Variants in ARL17B observed in about 807,000 individuals in gnomAD.
ARL17B encodes the protein ADP-ribosylation factor-like protein 17.
chr17:46,278,557 C>T (rs574518994), intron 4 of ARL17B, among the ~76,000 whole-genome samples: 14 of 152,050 alleles, frequency 9.2e-5, no homozygotes, highest in African/African-American at 3.4e-4. Flanking sequence ...GCGCTCACCA[C>T]TGCGACCGGC....
intron 3 of ARL17B, among the ~76,000 whole-genome samples, chr17:46,342,632 A>ATTTTT (rs748174381): frequency 1.8e-5 from 1 of 56,274 alleles, no homozygotes; most frequent in Non-Finnish European, 2.8e-5. Context: ...CTTAAGGACA[A>ATTTTT]TTTTTTTTTT....
downstream of ARL17B, among the ~76,000 whole-genome samples, chr17:46,332,877 A>T (rs273535): frequency 0.56 from 83,224 of 149,178 alleles, 20,555 homozygotes; most frequent in South Asian, 0.71. Flanking sequence ...ATTGAAACCA[A>T]GTGAATCCCA....
chr17:46,292,025 A>G (rs1298253351), intron 4 of ARL17B, among the ~76,000 whole-genome samples: 10 of 138,130 alleles, frequency 7.2e-5, no homozygotes, highest in Non-Finnish European at 3.2e-5. Context: ...ATTCACTCCA[A>G]ATGAAATTAT....
intron 4 of ARL17B, among the ~76,000 whole-genome samples, chr17:46,284,711 A>T (rs2049858521): frequency 6.6e-6 from 1 of 152,248 alleles, no homozygotes; most frequent in East Asian, 1.9e-4. Flanking sequence ...CAAAGTGTGG[A>T]ATCATTACCA....
chr17:46,285,966 A>T (rs1205793355), intron 4 of ARL17B, among the ~76,000 whole-genome samples: 1 of 152,256 alleles, frequency 6.6e-6, no homozygotes, highest in African/African-American at 2.4e-5. Context: ...GAGCACTGTC[A>T]TGACATCCTC....
rs372965268 is a variant in ARL17B, at chr17:46,288,884, T to G, written c.*21+10642A>C. On this transcript the variant is annotated intron_variant, in intron 4 of 4. Transcript: ENST00000570618. The stretch of plus-strand genomic sequence containing the variant: ...AAGCTCAGCTAATTTTTTGTATTTT[T>G]GTTAGAGACAGGGTTTCACCATGTT... Among the ~76,000 whole-genome samples the G allele has an allele frequency of 1.4e-3, 218 of 152,156 alleles. 1 individual carries two copies. The highest frequency in any genetic ancestry group is 0.01 in the Middle Eastern group (3 of 294).
At chr17:46,289,983 G>A (rs1298735570) in intron 4 of ARL17B, among the ~76,000 whole-genome samples, 11 of 152,228 alleles carry the variant, frequency 7.2e-5, no homozygotes, top group Admixed American at 2.6e-4. Context: ...GCCAGGTGTG[G>A]TGGCGCATGC....
rs1362479757 is a variant in ARL17B, at chr17:46,315,303, T to C, written c.260-15638A>G. Among the ~76,000 whole-genome samples the C allele has an allele frequency of 5.7e-5, 5 of 87,238 alleles. 1 individual carries two copies. Among genetic ancestry groups the C allele is most frequent in the East Asian group, 2.4e-4 (1 of 4,160 alleles). The allele number at this position is 87,238 out of a possible 152,430, so 57.2% of individuals were successfully genotyped here. ...ACTTTGGGAGGCTGCGGTGGGAGGA[T>C]TGCTTGACCCCAGGAGTTCAAGGCC... is the stretch of plus-strand genomic sequence containing the variant. On this transcript the variant is annotated intron_variant, in intron 3 of 4. Coordinates refer to the ARL17B transcript ENST00000434041.
intron 4 of ARL17B, among the ~76,000 whole-genome samples, chr17:46,279,705 G>A (rs1359613926): frequency 2.0e-5 from 3 of 151,726 alleles, no homozygotes; most frequent in East Asian, 1.9e-4. Flanking sequence ...CATGTTGCCC[G>A]GGCTGGTCTA....
intron 4 of ARL17B, among the ~76,000 whole-genome samples, chr17:46,286,774 G>A (rs2049930099): frequency 6.6e-6 from 1 of 152,246 alleles, no homozygotes; most frequent in African/African-American, 2.4e-5. Flanking sequence ...ATTATTAAAT[G>A]TGATGCTCTT....
downstream of ARL17B, among the ~76,000 whole-genome samples, chr17:46,333,264 A>C (rs1245848770): frequency 4.8e-5 from 3 of 61,860 alleles, no homozygotes; most frequent in African/African-American, 9.7e-5. Flanking sequence ...TCCTGAGCCT[A>C]TACCCTCTGT....
chr17:46,290,723 A>G (rs2143455826), intron 4 of ARL17B, among the ~76,000 whole-genome samples: 1 of 152,394 alleles, frequency 6.6e-6, no homozygotes, highest in South Asian at 2.1e-4. Flanking sequence ...CTGGGATTAT[A>G]GGCATGAGCC....
intron 4 of ARL17B, among the ~76,000 whole-genome samples, chr17:46,291,502 C>T (rs1247764236): frequency 1.3e-5 from 2 of 149,016 alleles, no homozygotes; most frequent in East Asian, 3.9e-4. Context: ...TGATAGGCTC[C>T]CTGCTGGAAG....
At chr17:46,288,246 A>G (rs1268034537) in intron 4 of ARL17B, among the ~76,000 whole-genome samples, 1 of 149,456 alleles carries the variant, frequency 6.7e-6, no homozygotes, top group African/African-American at 2.5e-5. Flanking sequence ...GGCTCACATG[A>G]TCCTCCCACC....
At chr17:46,332,233 T>C (rs2051986637), downstream of ARL17B, among the ~76,000 whole-genome samples, 1 of 42,056 alleles carries the variant, frequency 2.4e-5, no homozygotes, top group Non-Finnish European at 4.0e-5. Flanking sequence ...GTGGGTGGAT[T>C]ACTTGAAGTC....
rs2051539298 is a variant in ARL17B, at chr17:46,323,796, T to G, written c.260-24131A>C. Among the ~76,000 whole-genome samples the G allele has an allele frequency of 3.9e-5, 4 of 101,892 alleles. 1 individual carries two copies. Among genetic ancestry groups the G allele is most frequent in the Middle Eastern group, 0.011 (2 of 174 alleles). 66.8% of individuals were successfully genotyped at this position (101,892 alleles called of 152,430 possible). A position where few individuals can be genotyped will look rare whatever the true frequency, so the allele number is the denominator to read the frequency against. The stretch of plus-strand genomic sequence containing the variant: ...TATCTGCAGGTTCCTCATCCATAGA[T>G]TCAACGAACCATGGATGGAGAATAT... On this transcript the variant is annotated intron_variant, in intron 3 of 4. Coordinates refer to the ARL17B transcript ENST00000434041.
intron 3 of ARL17B, among the ~76,000 whole-genome samples, chr17:46,352,265 AAAT>A (rs1359594470): frequency 2.9e-5 from 2 of 69,422 alleles, no homozygotes; most frequent in Admixed American, 1.6e-4. Context: ...AAATAAATAA[AAAT>A]AATAACGCAA....
At chr17:46,281,336 C>T (rs1262767718) in intron 4 of ARL17B, among the ~76,000 whole-genome samples, 1 of 151,746 alleles carries the variant, frequency 6.6e-6, no homozygotes, top group African/African-American at 2.4e-5. Flanking sequence ...TGAATTTATT[C>T]TGCTAGAATT....
At chr17:46,275,578 A>G (rs1308695837) in intron 4 of ARL17B, among the ~76,000 whole-genome samples, 1 of 152,256 alleles carries the variant, frequency 6.6e-6, no homozygotes. Flanking sequence ...TTTTTAACCT[A>G]TAATAATAAA....
Sources: gnomAD v4.1 joint callset for allele counts (sites outside exome capture counted in the v4.1 genomes callset) on GRCh38, gnomAD v4.1.1 for gene constraint, MANE v1.5 for transcripts, NCBI Gene and HGNC (gene_info 2026-07-23, HGNC 2026-07-21) for gene names.